LARP1B: variants seen among roughly 807,000 people sequenced by gnomAD.
LARP1B encodes the protein la-related protein 1B.
In LARP1B, 76 loss-of-function variants were observed where a neutral mutation model predicts 114.2. The observed-to-expected ratio is 0.67, with a 90% CI of 0.55 to 0.81. LARP1B has a LOEUF of 0.81. LARP1B is among the 30% of genes least tolerant of loss of function. LARP1B has a pLI of 0.00. For synonymous variants in LARP1B, 345 were observed against 348.0 expected (o/e 0.99, Z 0.10); for missense variants, 1,014 against 1,075.8 (o/e 0.94, Z 0.80).
chr4:128,066,825 C>CTTATTT, intron 1 of LARP1B, among the ~76,000 whole-genome samples: 1 of 135,980 alleles, frequency 7.4e-6, no homozygotes, highest in Non-Finnish European at 1.5e-5. Context: ...GAGACAGAGT[C>CTTATTT]TTGCTCTGTC....
At position 128,156,196 on chromosome 4, in the gene LARP1B, G is replaced by A. The variant is rs1441317215; in HGVS notation, c.1525-5998G>A. 2.7e-5 allele frequency: 43 copies of A among 1,602,716 alleles called. No homozygotes were observed. The Admixed American group carries it at 6.4e-4, about 24-fold the overall frequency. On this transcript the variant is annotated intron_variant, in intron 11 of 19. Transcript: ENST00000326639. ...CCCCCTTGGCTCTCCAACCCTCCTC[G>A]CTTTGTGAGGCACCCGAGCCTTACT...
chr4:128,139,430 C>T (rs1181052208), intron 11 of LARP1B, among the ~76,000 whole-genome samples: 1 of 152,074 alleles, frequency 6.6e-6, no homozygotes, highest in East Asian at 1.9e-4. Context: ...AAATTCAGTG[C>T]TGTAGTGTGT....
chr4:128,208,794 TTAA>T (rs879604753), intron 19 of LARP1B, among the ~76,000 whole-genome samples: 3 of 152,206 alleles, frequency 2.0e-5, no homozygotes, highest in African/African-American at 4.8e-5. Context: ...TTGAAGATGT[TTAA>T]ATTTGGTGCC....
chr4:128,110,909 A>T (rs1783883281), intron 9 of LARP1B, among the ~76,000 whole-genome samples: 1 of 151,998 alleles, frequency 6.6e-6, no homozygotes, highest in Non-Finnish European at 1.5e-5. Flanking sequence ...AATAACATTT[A>T]GAGATAATTT....
At chr4:128,133,843 T>A (rs1002767920) in intron 11 of LARP1B, among the ~76,000 whole-genome samples, 2 of 151,876 alleles carry the variant, frequency 1.3e-5, no homozygotes, top group Admixed American at 6.6e-5. Context: ...ACTACAGGCC[T>A]GCACCACCAT....
At chr4:128,191,803 A>C (rs1752386550) in intron 15 of LARP1B, among the ~76,000 whole-genome samples, 1 of 152,016 alleles carries the variant, frequency 6.6e-6, no homozygotes, top group African/African-American at 2.4e-5. Flanking sequence ...GGGTTGAGGC[A>C]GGAACAGTTT....
chr4:128,128,488 T>C (rs927529089), intron 11 of LARP1B, among the ~76,000 whole-genome samples: 5 of 152,244 alleles, frequency 3.3e-5, no homozygotes, highest in African/African-American at 9.6e-5. Context: ...AGAGCACTTA[T>C]GTTAGCCTTA....
chr4:128,219,538 C>T (rs556498377), intron 6 of LARP1B, among the ~76,000 whole-genome samples: 2,143 of 96,534 alleles, frequency 0.022, 98 homozygotes, highest in African/African-American at 0.085. Context: ...AGTAAACTAT[C>T]GCAAGAACAA....
At chr4:128,116,013 T>C (rs1785673596) in intron 10 of LARP1B, among the ~76,000 whole-genome samples, 1 of 152,256 alleles carries the variant, frequency 6.6e-6, no homozygotes, top group Non-Finnish European at 1.5e-5. Flanking sequence ...ATAAGGTTTA[T>C]ATAAGTGTTG....
At chr4:128,179,148 G>A (rs1045741246) in intron 14 of LARP1B, among the ~76,000 whole-genome samples, 8 of 152,242 alleles carry the variant, frequency 5.3e-5, no homozygotes, top group East Asian at 1.9e-4. Flanking sequence ...AATTAAAGAC[G>A]AACAGAAAGT....
intron 18 of LARP1B, among the ~76,000 whole-genome samples, chr4:128,207,029 T>C (rs1372137121): frequency 6.6e-6 from 1 of 152,258 alleles, no homozygotes; most frequent in Non-Finnish European, 1.5e-5. Context: ...TTGTATATGG[T>C]TCAAATTAGT....
chr4:128,196,267 A>T (rs1309949500), intron 15 of LARP1B, among the ~76,000 whole-genome samples: 3 of 142,790 alleles, frequency 2.1e-5, no homozygotes, highest in Admixed American at 7.0e-5. Flanking sequence ...AAAAAAAAAA[A>T]GAAAGAAAGA....
intron 17 of LARP1B, 65 bp from the exon 18 acceptor site, chr4:128,206,363 A>G (rs1757596543): frequency 3.4e-6 from 3 of 873,270 alleles, no homozygotes; most frequent in Non-Finnish European, 5.2e-6. Flanking sequence ...ATGTTTGCTT[A>G]TATTGATGTT....
intron 6 of LARP1B, among the ~76,000 whole-genome samples, chr4:128,217,752 C>G (rs1434231270): frequency 9.4e-6 from 1 of 106,418 alleles, no homozygotes; most frequent in Non-Finnish European, 1.9e-5. Flanking sequence ...GATGCCCTCT[C>G]TCACCGCTCC....
At position 128,107,328 on chromosome 4, in the gene LARP1B, T is replaced by C; in HGVS notation, c.988+15T>C. 6.2e-7 allele frequency: 1 copy of C among 1,613,568 alleles called. No homozygotes were observed. The stretch of plus-strand genomic sequence containing the variant: ...CTCACATACAGGTAACATCTTTTCT[T>C]CTAGAGCAAACGATGTAACAGTGGG... On this transcript the variant is annotated intron_variant, in intron 9 of 19. Transcript: ENST00000326639.
intron 1 of LARP1B, chr4:128,061,744 C>T (rs1760189469): frequency 2.0e-6 from 2 of 984,956 alleles, no homozygotes; most frequent in East Asian, 2.3e-4. Flanking sequence ...AGGATCCGCC[C>T]GCGGTGACTG....
intron 12 of LARP1B, among the ~76,000 whole-genome samples, chr4:128,166,929 ATT>A (rs1561469742): frequency 1.2e-5 from 1 of 85,720 alleles, no homozygotes; most frequent in African/African-American, 4.8e-5. Context: ...ATTATATTCT[ATT>A]CTCTCTCTCT....
intron 15 of LARP1B, among the ~76,000 whole-genome samples, chr4:128,192,576 T>A (rs1752628749): frequency 6.6e-6 from 1 of 152,230 alleles, no homozygotes; most frequent in Admixed American, 6.5e-5. Flanking sequence ...ATTTATTGAA[T>A]GCTTTGCTGA....
At chr4:128,109,788 T>C (rs184535571) in intron 9 of LARP1B, among the ~76,000 whole-genome samples, 102 of 152,070 alleles carry the variant, frequency 6.7e-4, no homozygotes, top group African/African-American at 2.1e-3. Context: ...TATATAATCC[T>C]TTTTTCAGGA....
Sources: gnomAD v4.1 joint callset for allele counts (sites outside exome capture counted in the v4.1 genomes callset) on GRCh38, gnomAD v4.1.1 for gene constraint, MANE v1.5 for transcripts, NCBI Gene and HGNC (gene_info 2026-07-23, HGNC 2026-07-21) for gene names.